The following R3HDML variants were observed in gnomAD, a reference collection of about 807,000 sequenced individuals.
The protein encoded by R3HDML is R3H domain containing like, also known as peptidase inhibitor R3HDML.
A neutral mutation model predicts 24.2 loss-of-function variants in R3HDML; 21 were observed. The ratio of observed to expected loss-of-function variants is 0.87; its 90% CI spans 0.62 to 1.25. The LOEUF is 1.25. R3HDML is among the 50% of genes most tolerant of loss of function. The pLI, the probability that R3HDML is intolerant of heterozygous loss-of-function variation, is 0.00. For missense variants in R3HDML, 301 were observed against 340.3 expected, an observed-to-expected ratio of 0.88 and a Z score of 0.91; for synonymous variants, 133 against 131.5, an observed-to-expected ratio of 1.01 and a Z score of -0.08.
chr20:44,349,807 C>T (rs182665713), intron 4 of R3HDML, among the ~76,000 whole-genome samples: 1 of 152,128 alleles, frequency 6.6e-6, no homozygotes, highest in Non-Finnish European at 1.5e-5. Context: ...CGGTGGCTCA[C>T]GTCTGTAATT....
rs142022479 is a variant in R3HDML at position 44,337,392 on chromosome 20, C to G, written c.235C>G (p.Pro79Ala). 1.2e-4 allele frequency: 193 copies of G among 1,613,660 alleles called. No homozygotes were observed. In the African/African-American group the frequency reaches 2.4e-3, roughly 20 times the overall value. Residue 79 changes from proline to alanine, a missense_variant, in exon 1 of 5, where the codon CCA becomes GCA. By Grantham distance (27) the Pro-to-Ala change is conservative (BLOSUM62 -1). Coordinates refer to ENST00000217043, the MANE Select transcript of R3HDML (RefSeq NM_178491.4). The surrounding 1 kb of genome is among the most constrained non-coding windows in gnomAD (Gnocchi z 4.7). The stretch of plus-strand genomic sequence containing the variant: ...CAACCACATCCGGGCCAGTGTGTAC[C>G]CACCTGCCGCCAACATGGAATACAT... The part of the protein sequence containing the change: ...YHNHIRASVY[P>A]PAANMEYMVW...
rs779229839 is a variant in R3HDML at position 44,337,250 on chromosome 20, AG to A, written c.94del (p.Ala32ProfsTer13). The A allele has an allele frequency of 1.2e-6, 2 of 1,613,988 alleles. No individual in the cohort carries two copies. Among genetic ancestry groups the A allele is most frequent in the South Asian group, 1.1e-5 (1 of 91,078 alleles). On this transcript the variant is annotated frameshift_variant, in exon 1 of 5. Coordinates refer to ENST00000217043, the MANE Select transcript of R3HDML (RefSeq NM_178491.4). LOFTEE classifies it high-confidence loss of function. This position sits in a 1 kb window ranked among gnomAD's most constrained non-coding sequence, Gnocchi z 4.7. ...NALIMPNATPAPAQPESTAMR... is the reference protein window; with the variant it reads ...NALIMPNATPXPAQPESTAMR... Reference sequence around the variant, plus strand: ...CCTTGATAATGCCTAATGCTACCCCAGCCCCGGCCCAGCCCGAGAGCACGGC... The same window carrying A: ...CCTTGATAATGCCTAATGCTACCCCACCCCGGCCCAGCCCGAGAGCACGGC...
rs543149863 is a variant in R3HDML at position 44,340,186 on chromosome 20, C to T, written c.262-1010C>T. On this transcript the variant is annotated intron_variant, in intron 1 of 4. Coordinates refer to ENST00000217043, the MANE Select transcript of R3HDML (RefSeq NM_178491.4). Reference sequence around the variant, plus strand: ...GCCAGGTTAGTCTCGACCTCCTGACCTCAGGTGATCCGCCCACCTCGGCCT... The same window carrying T: ...GCCAGGTTAGTCTCGACCTCCTGACTTCAGGTGATCCGCCCACCTCGGCCT... Among the ~76,000 whole-genome samples the T allele has an allele frequency of 1.4e-4, 22 of 152,082 alleles. No homozygotes were observed. In the East Asian group the frequency reaches 3.9e-3, roughly 27 times the overall value.
At position 44,337,362 on chromosome 20, in the gene R3HDML, T is replaced by C; in HGVS notation, c.205T>C (p.Tyr69His). The change falls in exon 1 of 5, where the codon TAT becomes CAT. Residue 69 changes from tyrosine (Y) to histidine (H), a missense_variant. Transcript: ENST00000217043. The surrounding 1 kb of genome is among the most constrained non-coding windows in gnomAD (Gnocchi z 4.7). ...SVRDMNALLD[Y>H]HNHIRASVYP... ...GAGAGACATGAATGCCTTACTGGATTATCACAACCACATCCGGGCCAGTGT... is the reference window on the plus strand; with the variant it reads ...GAGAGACATGAATGCCTTACTGGATCATCACAACCACATCCGGGCCAGTGT... 6.2e-7 allele frequency: 1 copy of C among 1,614,186 alleles called. No individual in the cohort carries two copies. The highest frequency in any genetic ancestry group is 8.5e-7 in the Non-Finnish European group (1 of 1,180,034).
intron 2 of R3HDML, 88 bp from the exon 3 acceptor site, chr20:44,343,289 G>A (rs1600600154): frequency 6.0e-6 from 9 of 1,498,532 alleles, no homozygotes; most frequent in Non-Finnish European, 8.2e-6. Context: ...AGGAAGCAAA[G>A]TGATCACCCA....
rs759957767 is a variant in R3HDML at position 44,337,434 on chromosome 20, T to C, written c.261+16T>C. On this transcript the variant is annotated intron_variant, in intron 1 of 4. Coordinates refer to ENST00000217043, the MANE Select transcript of R3HDML (RefSeq NM_178491.4). This position sits in a 1 kb window ranked among gnomAD's most constrained non-coding sequence, Gnocchi z 4.7. ...GGAATACATGGTGAGTCCCCGTACC[T>C]GCCCCCCACCCCCCGCAGTGTCCCT... is the stretch of plus-strand genomic sequence containing the variant. The C allele has an allele frequency of 6.2e-7, 1 of 1,603,676 alleles. No individual in the cohort carries two copies. The highest frequency in any genetic ancestry group is 2.2e-5 in the East Asian group (1 of 44,600).
chr20:44,345,025 G>A, intron 3 of R3HDML: 2 of 536,988 alleles, frequency 3.7e-6, no homozygotes, highest in Admixed American at 3.6e-5. Flanking sequence ...GTATGTGTGT[G>A]TCTGTTTGTA....
chr20:44,345,879 G>A (rs535513293), intron 4 of R3HDML, among the ~76,000 whole-genome samples: 3 of 151,560 alleles, frequency 2.0e-5, no homozygotes, highest in Non-Finnish European at 4.4e-5. Flanking sequence ...GAATGCAGTG[G>A]CATGATCTCA....
chr20:44,349,545 T>C (rs1158465289), intron 4 of R3HDML, among the ~76,000 whole-genome samples: 1 of 152,182 alleles, frequency 6.6e-6, no homozygotes, highest in Admixed American at 6.5e-5. Context: ...TGAGTCCTGT[T>C]AGGAAACCAG....
intron 4 of R3HDML, among the ~76,000 whole-genome samples, chr20:44,346,257 G>T (rs957514384): frequency 9.9e-5 from 15 of 152,164 alleles, no homozygotes; most frequent in African/African-American, 3.6e-4. Flanking sequence ...AAGTAGCTGG[G>T]ACTACAGGTG....
chr20:44,349,130 GTAAAATAAAATAAAATAAA>G (rs1313966786), intron 4 of R3HDML, among the ~76,000 whole-genome samples: 2 of 139,256 alleles, frequency 1.4e-5, no homozygotes, highest in Non-Finnish European at 3.1e-5. Context: ...CTATCTCAAA[GTAAAATAAAATAAAATAAA>G]TAAAATAAAA....
At chr20:44,338,053 G>A (rs1471908931) in intron 1 of R3HDML, among the ~76,000 whole-genome samples, 1 of 152,124 alleles carries the variant, frequency 6.6e-6, no homozygotes. Context: ...AAAGAGGCAG[G>A]GCTGGTGGCT....
At chr20:44,344,564 C>G (rs7353379) in intron 3 of R3HDML, among the ~76,000 whole-genome samples, 1 of 152,014 alleles carries the variant, frequency 6.6e-6, no homozygotes, top group African/African-American at 2.4e-5. Flanking sequence ...GGCAGATCAC[C>G]TGAGGTCAGG....
At chr20:44,340,933 G>A (rs556651384) in intron 1 of R3HDML, among the ~76,000 whole-genome samples, 5 of 152,258 alleles carry the variant, frequency 3.3e-5, no homozygotes, top group Admixed American at 6.5e-5. Context: ...ACTCCTGTAC[G>A]AACACCCTGG....
chr20:44,347,633 G>GAAAAA (rs2062791647), intron 4 of R3HDML: 1 of 152,064 alleles, frequency 6.6e-6, no homozygotes, highest in Non-Finnish European at 1.5e-5. Flanking sequence ...GAAGGAAAAA[G>GAAAAA]GGGGGAACCC....
chr20:44,337,079 T>A lies in R3HDML; in HGVS notation c.-79T>A. On this transcript the variant is annotated 5_prime_UTR_variant, in exon 1 of 5. Coordinates refer to ENST00000217043, the MANE Select transcript of R3HDML (RefSeq NM_178491.4). This position sits in a 1 kb window ranked among gnomAD's most constrained non-coding sequence, Gnocchi z 4.7. ...CGGCACTGTTGGAGAACGCTCAGGGTCTGGTGCTCTCGTGCCTGCCCCTTC... is the reference window on the plus strand; with the variant it reads ...CGGCACTGTTGGAGAACGCTCAGGGACTGGTGCTCTCGTGCCTGCCCCTTC... 2 of 1,519,244 alleles carry A rather than the reference T, an allele frequency of 1.3e-6. No homozygotes were observed. The highest frequency in any genetic ancestry group is 1.8e-6 in the Non-Finnish European group (2 of 1,127,530). The allele number at this position is 1,519,244 out of a possible 1,614,324, so 94.1% of individuals were successfully genotyped here.
Position 44,343,370 on chromosome 20 carries a change from T to G in R3HDML, c.381-7T>G. 6.2e-7 allele frequency: 1 copy of G among 1,606,434 alleles called. No homozygotes were observed. Among genetic ancestry groups the G allele is most frequent in the South Asian group, 1.1e-5 (1 of 89,682 alleles). On this transcript the variant is annotated splice_polypyrimidine_tract_variant and splice_region_variant and intron_variant, in intron 2 of 4. Transcript: ENST00000217043. The stretch of plus-strand genomic sequence containing the variant: ...CCCAGCTTCTTCCGTGTCCCCCGCC[T>G]CCCCAGGTACCGGTCCGTAGTGGAT...
At chr20:44,342,915 C>T (rs193015323) in intron 2 of R3HDML, among the ~76,000 whole-genome samples, 1 of 152,232 alleles carries the variant, frequency 6.6e-6, no homozygotes, top group African/African-American at 2.4e-5. Flanking sequence ...GATCACACTG[C>T]TGCACTCCAG....
At chr20:44,338,274 G>GACTTATACT (rs1301442210) in intron 1 of R3HDML, among the ~76,000 whole-genome samples, 30 of 152,154 alleles carry the variant, frequency 2.0e-4, no homozygotes, top group Non-Finnish European at 4.4e-5. Flanking sequence ...CGTATCCATT[G>GACTTATACT]ACTTATACTT....
Sources: allele counts gnomAD v4.1 joint callset (sites outside exome capture counted in the v4.1 genomes callset), GRCh38; gene constraint gnomAD v4.1.1; non-coding constraint Gnocchi (gnomAD v3.1); transcripts MANE v1.5; gene names NCBI Gene and HGNC (gene_info 2026-07-23, HGNC 2026-07-21).